Variants in CDH12 observed in about 807,000 individuals in gnomAD.
The protein encoded by CDH12 is cadherin 12, also known as cadherin-12.
Under a neutral mutation model 74.1 loss-of-function variants are expected in CDH12, and 41 were observed. The ratio of observed to expected loss-of-function variants is 0.55; its 90% CI spans 0.43 to 0.72. The LOEUF is 0.72. Among genes scored for constraint, CDH12 ranks in the 30% least tolerant of loss-of-function variants. CDH12 has a pLI of 0.00. For synonymous variants in CDH12, 399 were observed against 355.0 expected (o/e 1.12, Z -1.39); for missense variants, 945 against 977.2 (o/e 0.97, Z 0.44).
intron 1 of CDH12, among the ~76,000 whole-genome samples, chr5:22,722,792 G>T (rs944440735): frequency 6.6e-6 from 1 of 152,164 alleles, no homozygotes; most frequent in Admixed American, 6.5e-5. Flanking sequence ...ATGTGCAGAT[G>T]AAAATAACTG....
At chr5:21,789,410 G>A (rs1284123384) in intron 10 of CDH12, among the ~76,000 whole-genome samples, 1 of 152,040 alleles carries the variant, frequency 6.6e-6, no homozygotes, top group Non-Finnish European at 1.5e-5. Flanking sequence ...AAGTGTCACT[G>A]TCTTTTGCTA....
chr5:22,468,101 C>T (rs1745807398), intron 2 of CDH12, among the ~76,000 whole-genome samples: 1 of 152,176 alleles, frequency 6.6e-6, no homozygotes, highest in African/African-American at 2.4e-5. Flanking sequence ...GAAAGCTCTA[C>T]TCTCAGGCAA....
chr5:22,310,453 A>G (rs1429810927), intron 3 of CDH12, among the ~76,000 whole-genome samples: 2 of 119,050 alleles, frequency 1.7e-5, no homozygotes, highest in Admixed American at 1.9e-4. Context: ...ACAGAGTGAG[A>G]CTCTGTCTCA....
At chr5:21,864,074 A>G (rs1344708066) in intron 6 of CDH12, among the ~76,000 whole-genome samples, 1 of 152,106 alleles carries the variant, frequency 6.6e-6, no homozygotes, top group Non-Finnish European at 1.5e-5. Flanking sequence ...AAAATTGTAC[A>G]TTCTATTATA....
chr5:22,521,699 G>A (rs1737058672), intron 1 of CDH12, among the ~76,000 whole-genome samples: 1 of 152,126 alleles, frequency 6.6e-6, no homozygotes, highest in African/African-American at 2.4e-5. Context: ...AAGCCACATG[G>A]TCTCTGTTGC....
intron 5 of CDH12, among the ~76,000 whole-genome samples, chr5:22,022,011 A>T (rs1037458959): frequency 3.9e-5 from 6 of 152,092 alleles, no homozygotes; most frequent in East Asian, 1.9e-4. Context: ...AATTTTTAAA[A>T]TTTTTTGTAG....
chr5:22,548,105 A>G (rs1228500058), intron 1 of CDH12, among the ~76,000 whole-genome samples: 1 of 152,176 alleles, frequency 6.6e-6, no homozygotes, highest in African/African-American at 2.4e-5. Flanking sequence ...AAAAACATCT[A>G]CTTTACAGGT....
intron 7 of CDH12, among the ~76,000 whole-genome samples, chr5:21,846,259 T>A (rs558781662): frequency 1.1e-4 from 16 of 152,264 alleles, no homozygotes; most frequent in Non-Finnish European, 2.4e-4. Flanking sequence ...CTCAAGCTTA[T>A]CTATAAAACC....
At chr5:22,717,264 C>T (rs762005471) in intron 1 of CDH12, among the ~76,000 whole-genome samples, 3 of 151,996 alleles carry the variant, frequency 2.0e-5, no homozygotes, top group Admixed American at 6.6e-5. Context: ...AATCTTTTAC[C>T]TCACTTTTAC....
intron 5 of CDH12, among the ~76,000 whole-genome samples, chr5:22,029,494 C>A (rs1479499955): frequency 6.7e-6 from 1 of 150,184 alleles, no homozygotes; most frequent in Non-Finnish European, 1.5e-5. Context: ...TTTATGCAGC[C>A]AAAAAACACA....
chr5:22,559,905 CCAAT>C, intron 1 of CDH12, among the ~76,000 whole-genome samples: 1 of 152,196 alleles, frequency 6.6e-6, no homozygotes, highest in South Asian at 2.1e-4. Context: ...TCCCTTAGCT[CCAAT>C]CAGAGAAAGA....
intron 2 of CDH12, among the ~76,000 whole-genome samples, chr5:22,476,593 T>A (rs1746182184): frequency 2.0e-5 from 3 of 152,108 alleles, no homozygotes; most frequent in Admixed American, 2.0e-4. Flanking sequence ...CATAGTATTG[T>A]CGTAAATTAT....
intron 3 of CDH12, among the ~76,000 whole-genome samples, chr5:22,224,175 C>T (rs1487923822): frequency 6.6e-6 from 1 of 152,054 alleles, no homozygotes; most frequent in Admixed American, 6.6e-5. Flanking sequence ...CTAGATCCTG[C>T]TCTTTGAAGT....
rs561361554 is a variant in CDH12 at position 22,199,171 on chromosome 5, C to T, written c.-187+13327G>A. On this transcript the variant is annotated intron_variant, in intron 4 of 14. Transcript: ENST00000382254. ...GAACAAACCACTTGGGGAAGCAACA[C>T]ATTTTAACTTTACTGGTTCTTTTCA... is the stretch of plus-strand genomic sequence containing the variant. 2.1e-4 allele frequency among the ~76,000 whole-genome samples: 32 copies of T among 152,300 alleles called. No homozygotes were observed. The East Asian group carries it at 2.5e-3, about 12-fold the overall frequency.
In CDH12 at chr5:21,833,038, T is replaced by TATATAATATATATTATATGTTATATAAC. The variant is rs1561224519; in HGVS notation, c.814+9095_814+9122dup. On this transcript the variant is annotated intron_variant, in intron 8 of 14. Coordinates refer to ENST00000382254, the MANE Select transcript of CDH12 (RefSeq NM_004061.5). ...ATATGATATAATATATAATATATAA[T>TATATAATATATATTATATGTTATATAAC]ATATAATATATATTATATGTTATAT... is the stretch of plus-strand genomic sequence containing the variant. Among the ~76,000 whole-genome samples the TATATAATATATATTATATGTTATATAAC allele has an allele frequency of 6.0e-3, 402 of 67,190 alleles. 14 individuals are homozygous for TATATAATATATATTATATGTTATATAAC. The highest frequency in any genetic ancestry group is 8.8e-3 in the Non-Finnish European group (349 of 39,652). 44.1% of individuals were successfully genotyped at this position (67,190 alleles called of 152,430 possible).
At position 22,360,812 on chromosome 5, in the gene CDH12, A is replaced by C. The variant is rs192031717; in HGVS notation, c.-333+44445T>G. Among the ~76,000 whole-genome samples the C allele has an allele frequency of 1.4e-3, 216 of 152,360 alleles. 2 individuals carry two copies. Among genetic ancestry groups the C allele is most frequent in the Middle Eastern group, 0.01 (3 of 294 alleles). ...AATAAACGTAATCCAGCAAATAAACAGAACCAAAGACAAAAACCACATGAT... is the reference window on the plus strand; with the variant it reads ...AATAAACGTAATCCAGCAAATAAACCGAACCAAAGACAAAAACCACATGAT... On this transcript the variant is annotated intron_variant, in intron 3 of 14. Coordinates refer to ENST00000382254, the MANE Select transcript of CDH12 (RefSeq NM_004061.5).
chr5:22,349,280 C>T (rs1220992696), intron 3 of CDH12, among the ~76,000 whole-genome samples: 1 of 152,172 alleles, frequency 6.6e-6, no homozygotes, highest in African/African-American at 2.4e-5. Flanking sequence ...CAGTCAGTTT[C>T]CCTCCTCTGG....
At chr5:22,540,136 C>A (rs1034190900) in intron 1 of CDH12, among the ~76,000 whole-genome samples, 3 of 151,818 alleles carry the variant, frequency 2.0e-5, no homozygotes, top group East Asian at 1.9e-4. Flanking sequence ...TAGCACAGAG[C>A]AATTTTATAT....
chr5:21,836,783 G>A (rs1486600799), intron 8 of CDH12, among the ~76,000 whole-genome samples: 2 of 151,834 alleles, frequency 1.3e-5, no homozygotes, highest in Non-Finnish European at 2.9e-5. Context: ...TTAACAGATG[G>A]AAATCCTCTA....
Sources: gnomAD v4.1 joint callset for allele counts (sites outside exome capture counted in the v4.1 genomes callset) on GRCh38, gnomAD v4.1.1 for gene constraint, MANE v1.5 for transcripts, NCBI Gene and HGNC (gene_info 2026-07-23, HGNC 2026-07-21) for gene names.